SMAD6: variants seen among roughly 807,000 people sequenced by gnomAD.
The protein encoded by SMAD6 is MAD homolog 6.
A neutral mutation model predicts 39.4 loss-of-function variants in SMAD6; 103 were observed. That is an observed-to-expected ratio of 2.62 (90% CI 2.23 to 3.08). The LOEUF is 3.08. Among genes scored for constraint, SMAD6 ranks in the 30% most tolerant of loss-of-function variants. The probability of loss-of-function intolerance (pLI) is 0.00; values close to 1 mark genes in which losing one functional copy is unlikely to be tolerated. For synonymous variants in SMAD6, 445 were observed against 353.3 expected, an observed-to-expected ratio of 1.26 and a Z score of -2.91; for missense variants, 1,104 against 742.9, an observed-to-expected ratio of 1.49 and a Z score of -5.65.
intron 1 of SMAD6, among the ~76,000 whole-genome samples, chr15:66,711,082 T>A (rs992425819): frequency 6.6e-6 from 1 of 152,170 alleles, no homozygotes; most frequent in Non-Finnish European, 1.5e-5. Flanking sequence ...AAATGCAGGA[T>A]GCCCAGTTAA....
chr15:66,717,781 T>A (rs745867155), intron 3 of SMAD6, among the ~76,000 whole-genome samples: 4 of 152,162 alleles, frequency 2.6e-5, no homozygotes, highest in African/African-American at 7.2e-5. Context: ...GCGGTGGTCC[T>A]GGGGTCCAGG....
chr15:66,753,029 A>G (rs1894034622), intron 3 of SMAD6, among the ~76,000 whole-genome samples: 1 of 152,192 alleles, frequency 6.6e-6, no homozygotes, highest in African/African-American at 2.4e-5. Context: ...CTGAATTCTC[A>G]TGACATACAG....
chr15:66,779,425 C>T (rs1331851135), intron 3 of SMAD6, among the ~76,000 whole-genome samples: 2 of 152,192 alleles, frequency 1.3e-5, no homozygotes, highest in Non-Finnish European at 2.9e-5. Context: ...TGTCTGGGAC[C>T]TCAGTGCCAG....
chr15:66,708,150 T>A (rs894866474), intron 1 of SMAD6: 1 of 152,436 alleles, frequency 6.6e-6, no homozygotes, highest in African/African-American at 2.4e-5. Flanking sequence ...TGTCTCCCTC[T>A]CTTTTCTTTC....
rs141432902 is a variant in SMAD6 at position 66,704,367 on chromosome 15, A to G, written c.817+292A>G. 871 of 299,930 alleles carry G rather than the reference A, an allele frequency of 2.9e-3. 7 individuals carry two copies. The highest frequency in any genetic ancestry group is 0.018 in the African/African-American group (811 of 46,190). The allele number at this position is 299,930 out of a possible 1,614,324, so 18.6% of individuals were successfully genotyped here. A position where few individuals can be genotyped will look rare whatever the true frequency, so the allele number is the denominator to read the frequency against. On this transcript the variant is annotated intron_variant, in intron 1 of 3. Transcript: ENST00000288840. ...TGATGTAGGCTCCAACTTCATAGGC[A>G]GTGAAAGGGGAGGGCAGGCCAAGGA...
intron 2 of SMAD6, among the ~76,000 whole-genome samples, chr15:66,714,863 A>G (rs1259292707): frequency 2.6e-5 from 4 of 152,168 alleles, no homozygotes; most frequent in African/African-American, 4.8e-5. Context: ...AAACCTCACA[A>G]TGCTGTCTGT....
chr15:66,719,501 C>T (rs1893393695), intron 3 of SMAD6, among the ~76,000 whole-genome samples: 1 of 152,132 alleles, frequency 6.6e-6, no homozygotes, highest in Non-Finnish European at 1.5e-5. Context: ...TCCCGAGAGC[C>T]TTGTTACCCT....
chr15:66,739,477 G>A (rs1425033707), intron 3 of SMAD6, among the ~76,000 whole-genome samples: 2 of 152,198 alleles, frequency 1.3e-5, no homozygotes, highest in Admixed American at 6.5e-5. Flanking sequence ...AGCCACTCAG[G>A]GACTGCAGGT....
intron 3 of SMAD6, among the ~76,000 whole-genome samples, chr15:66,726,271 T>A (rs1893519637): frequency 6.6e-6 from 1 of 152,118 alleles, no homozygotes. Flanking sequence ...TGGTGTGTAG[T>A]AGGCGTTGGG....
intron 3 of SMAD6, among the ~76,000 whole-genome samples, chr15:66,733,131 C>G (rs1037983211): frequency 2.6e-5 from 4 of 151,974 alleles, no homozygotes; most frequent in Admixed American, 2.6e-4. Flanking sequence ...GGTTCTCTTT[C>G]TGGATTCTTA....
chr15:66,726,302 A>AG (rs1335432191), intron 3 of SMAD6, among the ~76,000 whole-genome samples: 7 of 152,134 alleles, frequency 4.6e-5, no homozygotes, highest in Admixed American at 4.6e-4. Flanking sequence ...TGATTCACAG[A>AG]GGGGTCCACT....
At position 66,781,038 on chromosome 15, in the gene SMAD6, T is replaced by C. The variant is rs1595804667; in HGVS notation, c.994T>C (p.Cys332Arg). Residue 332 changes from cysteine to arginine, a missense_variant, in exon 4 of 4, where the codon TGC becomes CGC. Physicochemically the swap from Cys to Arg is radical, Grantham distance 180 (BLOSUM62 -3). Coordinates refer to ENST00000288840, the MANE Select transcript of SMAD6 (RefSeq NM_005585.5). The stretch of plus-strand genomic sequence containing the variant: ...GGACGCCACCAAGCCGAGCCACTGG[T>C]GCAGCGTGGCGTACTGGGAGCACCG... ...SPDATKPSHW[C>R]SVAYWEHRTR... 1.9e-6 allele frequency: 3 copies of C among 1,599,728 alleles called. No homozygotes were observed. The highest frequency in any genetic ancestry group is 1.1e-5 in the South Asian group (1 of 90,040).
intron 2 of SMAD6, 89 bp from the exon 3 acceptor site, chr15:66,716,332 G>A (rs1418105096): frequency 3.3e-6 from 3 of 916,632 alleles, no homozygotes; most frequent in Admixed American, 1.8e-5. Context: ...ATCCACACAC[G>A]TGCACATGTA....
Position 66,711,803 on chromosome 15 carries a change from C to CAGGGCTGGAGGGCTGG in SMAD6, c.874+92_874+107dup, listed in dbSNP as rs572798014. ...CTTCAGCCCAGTGTCTGTCCAGCCT[C>CAGGGCTGGAGGGCTGG]AGGGCTGGAGGGCTGGAGGGCTGGA... On this transcript the variant is annotated intron_variant, in intron 2 of 3. Transcript: ENST00000288840. 8.8e-4 allele frequency: 1,074 copies of CAGGGCTGGAGGGCTGG among 1,224,782 alleles called. 14 individuals are homozygous for CAGGGCTGGAGGGCTGG. In the African/African-American group the frequency reaches 0.015, roughly 17 times the overall value. The allele number at this position is 1,224,782 out of a possible 1,614,324, so 75.9% of individuals were successfully genotyped here.
chr15:66,717,100 C>T (rs986241413), intron 3 of SMAD6: 32 of 1,288,744 alleles, frequency 2.5e-5, no homozygotes, highest in Admixed American at 1.8e-4. Context: ...CCCCTACATC[C>T]GGAGGAATAC....
intron 3 of SMAD6, among the ~76,000 whole-genome samples, chr15:66,746,986 G>C (rs1893920163): frequency 1.3e-5 from 2 of 152,206 alleles, no homozygotes. Flanking sequence ...AATAAGGGAA[G>C]AGTATGTTTG....
rs1893925397 is a variant in SMAD6 at position 66,747,352 on chromosome 15, G to A, written c.952+30854G>A. 6.6e-6 allele frequency among the ~76,000 whole-genome samples: 1 copy of A among 152,262 alleles called. No individual in the cohort carries two copies. Among genetic ancestry groups the A allele is most frequent in the South Asian group, 2.1e-4 (1 of 4,836 alleles). ...CTTACCTGCCGGTGCTAAGGAGCCT[G>A]GCTTTGATTTGGACTGCCTCCGTCA... On this transcript the variant is annotated intron_variant, in intron 3 of 3. Coordinates refer to ENST00000288840, the MANE Select transcript of SMAD6 (RefSeq NM_005585.5). The surrounding 1 kb of genome is among the most constrained non-coding windows in gnomAD (Gnocchi z 4.5).
In SMAD6 at chr15:66,747,872, C is replaced by A. The variant is rs1050677806; in HGVS notation, c.952+31374C>A. ...CCTCGTAGGAACCCTTAATCCTTCCCATTCTCACCCCTGCAGAGATGGCCT... is the reference window on the plus strand; with the variant it reads ...CCTCGTAGGAACCCTTAATCCTTCCAATTCTCACCCCTGCAGAGATGGCCT... On this transcript the variant is annotated intron_variant, in intron 3 of 3. Coordinates refer to ENST00000288840, the MANE Select transcript of SMAD6 (RefSeq NM_005585.5). This position sits in a 1 kb window ranked among gnomAD's most constrained non-coding sequence, Gnocchi z 4.5. 6.6e-6 allele frequency among the ~76,000 whole-genome samples: 1 copy of A among 152,140 alleles called. No homozygotes were observed. The highest frequency in any genetic ancestry group is 1.5e-5 in the Non-Finnish European group (1 of 68,032).
intron 3 of SMAD6, among the ~76,000 whole-genome samples, chr15:66,761,135 G>T (rs1199162299): frequency 6.6e-6 from 1 of 152,090 alleles, no homozygotes; most frequent in Admixed American, 6.5e-5. Flanking sequence ...TTGCCACGAG[G>T]TCCAGTGAGC....
Sources: gnomAD v4.1 joint callset for allele counts (sites outside exome capture counted in the v4.1 genomes callset) on GRCh38, gnomAD v4.1.1 for gene constraint, Gnocchi (gnomAD v3.1) non-coding constraint, MANE v1.5 for transcripts, NCBI Gene and HGNC (gene_info 2026-07-23, HGNC 2026-07-21) for gene names.